CAP2: variants seen among roughly 807,000 people sequenced by gnomAD.
CAP2 encodes adenylyl cyclase-associated protein 2.
A neutral mutation model predicts 57.7 loss-of-function variants in CAP2; 24 were observed. That is an observed-to-expected ratio of 0.42 (90% confidence interval 0.30 to 0.58). CAP2 has a LOEUF of 0.58. CAP2 is among the 20% of genes least tolerant of loss of function. CAP2 has a pLI of 0.22. For missense variants in CAP2, 501 were observed against 590.3 expected (o/e 0.85, Z 1.57); for synonymous variants, 194 against 207.2 (o/e 0.94, Z 0.55).
chr6:17,533,726 C>A (rs1439624441), intron 7 of CAP2, among the ~76,000 whole-genome samples: 1 of 151,956 alleles, frequency 6.6e-6, no homozygotes, highest in African/African-American at 2.4e-5. Context: ...GTGCACCATG[C>A]CGAGCTAATT....
At chr6:17,529,133 C>T (rs997136148) in intron 7 of CAP2, among the ~76,000 whole-genome samples, 2 of 152,212 alleles carry the variant, frequency 1.3e-5, no homozygotes, top group African/African-American at 4.8e-5. Flanking sequence ...TTCAGTTACA[C>T]TCACATTATA....
At chr6:17,456,332 G>T (rs1353033721) in intron 3 of CAP2, among the ~76,000 whole-genome samples, 1 of 152,156 alleles carries the variant, frequency 6.6e-6, no homozygotes, top group African/African-American at 2.4e-5. Flanking sequence ...AAACGGGGTT[G>T]GTGCTTATGT....
Position 17,396,987 on chromosome 6 carries a change from T to C in CAP2, c.-2+3241T>C, listed in dbSNP as rs1199367058. The stretch of plus-strand genomic sequence containing the variant: ...TCCCTGGTTTATTGTAAAACAGTTT[T>C]ATCACATGTGTATGTATTCCAAAAC... On this transcript the variant is annotated intron_variant, in intron 1 of 12. Transcript: ENST00000229922. Among the ~76,000 whole-genome samples the C allele has an allele frequency of 2.6e-5, 4 of 152,248 alleles. No homozygotes were observed. The East Asian group carries it at 7.7e-4, about 29-fold the overall frequency.
At chr6:17,552,614 AGAGT>A (rs934109727) in intron 12 of CAP2, among the ~76,000 whole-genome samples, 3 of 152,248 alleles carry the variant, frequency 2.0e-5, no homozygotes, top group African/African-American at 7.2e-5. Flanking sequence ...CCGGGGCGAC[AGAGT>A]GAGACTCAGT....
intron 12 of CAP2, among the ~76,000 whole-genome samples, chr6:17,554,248 A>G (rs939505787): frequency 1.9e-4 from 29 of 152,282 alleles, no homozygotes; most frequent in African/African-American, 6.3e-4. Context: ...CTGGGACTAC[A>G]GGCGTGTGCC....
At chr6:17,410,571 A>G (rs1174247478) in intron 1 of CAP2, among the ~76,000 whole-genome samples, 1 of 151,660 alleles carries the variant, frequency 6.6e-6, no homozygotes, top group East Asian at 1.9e-4. Flanking sequence ...ACTCAGATTT[A>G]ATTTTTTTTT....
rs796078095 is a variant in CAP2 at position 17,538,703 on chromosome 6, C to T, written c.637-566C>T. ...TTACCTTCGGGTTTGACAAGCATCC[C>T]GGTCACATATGCTCCTTGTTTGGGG... On this transcript the variant is annotated intron_variant, in intron 7 of 12. Coordinates refer to ENST00000229922, the MANE Select transcript of CAP2 (RefSeq NM_006366.3). Among the ~76,000 whole-genome samples, 10 of 152,258 alleles carry T rather than the reference C, an allele frequency of 6.6e-5. No individual in the cohort carries two copies. The South Asian group carries it at 1.9e-3, about 28-fold the overall frequency.
At chr6:17,471,547 G>T (rs921323999) in intron 4 of CAP2, among the ~76,000 whole-genome samples, 1 of 152,076 alleles carries the variant, frequency 6.6e-6, no homozygotes, top group African/African-American at 2.4e-5. Context: ...AGGTAAAAAA[G>T]TTAGGCCGGG....
intron 9 of CAP2, among the ~76,000 whole-genome samples, chr6:17,541,361 C>T (rs1282766323): frequency 1.3e-5 from 2 of 151,932 alleles, no homozygotes; most frequent in Non-Finnish European, 2.9e-5. Flanking sequence ...GGGAGGATCA[C>T]CTGAGGTCAG....
At chr6:17,552,441 GA>G (rs2113712550) in intron 12 of CAP2, among the ~76,000 whole-genome samples, 1 of 152,234 alleles carries the variant, frequency 6.6e-6, no homozygotes, top group East Asian at 1.9e-4. Context: ...TTGAGGTCAG[GA>G]GTTTGAGACC....
intron 1 of CAP2, among the ~76,000 whole-genome samples, chr6:17,412,521 C>T (rs567536094): frequency 1.8e-4 from 27 of 152,246 alleles, no homozygotes; most frequent in Admixed American, 1.4e-3. Flanking sequence ...ATTCTCTAAT[C>T]CCCAGAGTTC....
Position 17,541,033 on chromosome 6 carries a change from G to T in CAP2, c.887G>T (p.Gly296Val), listed in dbSNP as rs747149347. 1 of 1,613,980 alleles carries T rather than the reference G, an allele frequency of 6.2e-7. No homozygotes were observed. The part of the protein sequence containing the change: ...TYKNPSLRAQ[G>V]GQTQSPTKSH... ...AAAAATCCCAGCCTGCGGGCTCAAG[G>T]AGGGCAAACTCAATCTCCCACCAAA... Residue 296 changes from glycine (G) to valine (V), a missense_variant, in exon 9 of 13, where the codon GGA becomes GTA. By Grantham distance (109) the Gly-to-Val change is moderately radical. Coordinates refer to ENST00000229922, the MANE Select transcript of CAP2 (RefSeq NM_006366.3).
At chr6:17,530,063 T>G (rs546270583) in intron 7 of CAP2, among the ~76,000 whole-genome samples, 4 of 152,080 alleles carry the variant, frequency 2.6e-5, no homozygotes, top group Non-Finnish European at 5.9e-5. Flanking sequence ...GTGATTGAAA[T>G]GGCTTTGTGA....
In CAP2 at chr6:17,436,086, T is replaced by TTCC. The variant is rs1759876688; in HGVS notation, c.222+9397_222+9398insCCT. On this transcript the variant is annotated intron_variant, in intron 3 of 12. Coordinates refer to ENST00000229922, the MANE Select transcript of CAP2 (RefSeq NM_006366.3). ...TAAGGAATCTTTCTTTCTTTCTTTC[T>TTCC]TTCCTTCCTTCCTTCCTTCCTTCCT... 4.9e-3 allele frequency among the ~76,000 whole-genome samples: 652 copies of TTCC among 133,972 alleles called. 8 individuals carry two copies. The highest frequency in any genetic ancestry group is 0.018 in the African/African-American group (615 of 34,332). 87.9% of individuals were successfully genotyped at this position (133,972 alleles called of 152,430 possible).
intron 11 of CAP2, among the ~76,000 whole-genome samples, chr6:17,550,143 T>C (rs1301377668): frequency 6.6e-6 from 1 of 151,954 alleles, no homozygotes; most frequent in Non-Finnish European, 1.5e-5. Context: ...CCAAGGCAGG[T>C]GGATCACCTG....
intron 4 of CAP2, among the ~76,000 whole-genome samples, chr6:17,487,863 C>T (rs1408130699): frequency 2.6e-5 from 4 of 152,136 alleles, no homozygotes; most frequent in African/African-American, 9.7e-5. Flanking sequence ...ACTGCAGCCT[C>T]AAACTCCTGG....
Position 17,474,111 on chromosome 6 carries a change from CT to C in CAP2, c.300+11039del, listed in dbSNP as rs1761087475. Among the ~76,000 whole-genome samples the C allele has an allele frequency of 2.0e-5, 3 of 151,136 alleles. No individual in the cohort carries two copies. The East Asian group carries it at 5.8e-4, about 29-fold the overall frequency. On this transcript the variant is annotated intron_variant, in intron 4 of 12. Transcript: ENST00000229922. The stretch of plus-strand genomic sequence containing the variant: ...CATTTTCCATTTTTTAGCCCCTCCC[CT>C]GATTAGCTGATGTCTGTTTATTTAA...
intron 3 of CAP2, among the ~76,000 whole-genome samples, chr6:17,453,905 T>C (rs7741334): frequency 8.7e-5 from 11 of 125,906 alleles, no homozygotes; most frequent in African/African-American, 5.3e-4. Flanking sequence ...TTTATTCTTT[T>C]TTTTTTTTTT....
At chr6:17,465,691 A>G (rs73721582) in intron 4 of CAP2, among the ~76,000 whole-genome samples, 3,832 of 152,272 alleles carry the variant, frequency 0.025, 157 homozygotes, top group African/African-American at 0.082. Context: ...AAAGACCTGA[A>G]GTTTATTGGG....
Sources: allele counts gnomAD v4.1 joint callset (sites outside exome capture counted in the v4.1 genomes callset), GRCh38; gene constraint gnomAD v4.1.1; transcripts MANE v1.5; gene names NCBI Gene and HGNC (gene_info 2026-07-23, HGNC 2026-07-21).